The following ABAT variants were observed in gnomAD, a reference collection of about 807,000 sequenced individuals.
ABAT encodes 4-aminobutyrate aminotransferase, also known as 4-aminobutyrate aminotransferase, mitochondrial.
A neutral mutation model predicts 64.6 loss-of-function variants in ABAT; 45 were observed. The observed-to-expected ratio is 0.70, with a 90% CI of 0.55 to 0.89. ABAT has a LOEUF of 0.89. Among genes scored for constraint, ABAT ranks in the 40% least tolerant of loss-of-function variants. The probability of loss-of-function intolerance (pLI) is 0.00; values close to 1 mark genes in which losing one functional copy is unlikely to be tolerated. For missense variants in ABAT, 633 were observed against 658.4 expected (o/e 0.96, Z 0.42); for synonymous variants, 297 against 250.5 (o/e 1.19, Z -1.75).
At chr16:8,755,415 G>C (rs1414830086) in intron 5 of ABAT, among the ~76,000 whole-genome samples, 4 of 152,224 alleles carry the variant, frequency 2.6e-5, no homozygotes, top group African/African-American at 9.6e-5. Context: ...CAAGACACAT[G>C]AAAGTGAGGA....
chr16:8,748,988 T>C (rs897390751), intron 4 of ABAT, among the ~76,000 whole-genome samples: 3 of 152,200 alleles, frequency 2.0e-5, no homozygotes, highest in African/African-American at 7.2e-5. Flanking sequence ...ATTGGATTGT[T>C]TCATCCATTC....
At chr16:8,694,380 T>TTTTG (rs367876531) in intron 1 of ABAT, among the ~76,000 whole-genome samples, 13 of 151,122 alleles carry the variant, frequency 8.6e-5, no homozygotes, top group South Asian at 2.1e-4. Context: ...CTTGCACGTT[T>TTTTG]TTTGTTTGTT....
At chr16:8,775,543 C>G (rs554907328) in intron 13 of ABAT, among the ~76,000 whole-genome samples, 30 of 135,992 alleles carry the variant, frequency 2.2e-4, no homozygotes, top group African/African-American at 8.3e-4. Flanking sequence ...ACACTGTGTA[C>G]TGCCATGTGT....
chr16:8,757,428 G>A (rs1367145423), intron 5 of ABAT: 9 of 367,500 alleles, frequency 2.4e-5, no homozygotes, highest in Admixed American at 1.9e-4. Context: ...TTGGCCTCCC[G>A]AAGTGCTGGG....
In ABAT at chr16:8,781,867, C is replaced by G. The variant is rs1362329969; in HGVS notation, c.*437C>G. On this transcript the variant is annotated 3_prime_UTR_variant, in exon 16 of 16. Coordinates refer to ENST00000268251, the MANE Select transcript of ABAT (RefSeq NM_020686.6). This position sits in a 1 kb window ranked among gnomAD's most constrained non-coding sequence, Gnocchi z 4.5. ...ATCACGGATGTTGGCTCCCCCTCGC[C>G]CTATGCAAGCAAACACACTCTCACC... 3.0e-6 allele frequency: 1 copy of G among 335,798 alleles called. No individual in the cohort carries two copies. The highest frequency in any genetic ancestry group is 2.1e-5 in the African/African-American group (1 of 46,540). 20.8% of individuals were successfully genotyped at this position (335,798 alleles called of 1,614,324 possible).
chr16:8,723,472 G>A (rs1488228644), intron 1 of ABAT, among the ~76,000 whole-genome samples: 4 of 152,156 alleles, frequency 2.6e-5, no homozygotes, highest in Non-Finnish European at 5.9e-5. Context: ...CAAGCCTGCA[G>A]GGAAAGTCTG....
chr16:8,752,574 T>C (rs1362248854), intron 5 of ABAT, among the ~76,000 whole-genome samples: 1 of 152,116 alleles, frequency 6.6e-6, no homozygotes, highest in Admixed American at 6.6e-5. Flanking sequence ...ATCTGGGCAT[T>C]ATAGTGAGAA....
At chr16:8,756,026 G>A (rs956214538) in intron 5 of ABAT, among the ~76,000 whole-genome samples, 6 of 151,474 alleles carry the variant, frequency 4.0e-5, no homozygotes, top group Non-Finnish European at 1.5e-5. Flanking sequence ...TCCAGCCTGG[G>A]CAACAGAGCG....
chr16:8,694,956 C>T (rs2057669044), intron 1 of ABAT, among the ~76,000 whole-genome samples: 1 of 152,236 alleles, frequency 6.6e-6, no homozygotes, highest in African/African-American at 2.4e-5. Flanking sequence ...CCTTCCCCGA[C>T]TTCCTCCCCA....
chr16:8,783,980 G>A lies in ABAT; in HGVS notation c.*2550G>A, dbSNP rs930907721. 31 of 152,174 alleles carry A rather than the reference G, an allele frequency of 2.0e-4. No individual in the cohort carries two copies. Among genetic ancestry groups the A allele is most frequent in the Admixed American group, 2.0e-3 (31 of 15,280 alleles). 9.4% of individuals were successfully genotyped at this position (152,174 alleles called of 1,614,324 possible). On this transcript the variant is annotated 3_prime_UTR_variant, in exon 16 of 16. Coordinates refer to ENST00000268251, the MANE Select transcript of ABAT (RefSeq NM_020686.6). The stretch of plus-strand genomic sequence containing the variant: ...ATGAGTTCCTGAGACATGCTCTTTT[G>A]GGGGCTGGGGCTTTAGCTAGAAGAA...
In ABAT at chr16:8,714,265, T is replaced by G. The variant is rs531990723; in HGVS notation, c.-41-21434T>G. ...GGTCACCTTGAAAAGGCATTTTTGT[T>G]CAAGCCGCTAAATAAATCCTTTCCC... On this transcript the variant is annotated intron_variant, in intron 1 of 15. Coordinates refer to ENST00000268251, the MANE Select transcript of ABAT (RefSeq NM_020686.6). Among the ~76,000 whole-genome samples, 2 of 152,304 alleles carry G rather than the reference T, an allele frequency of 1.3e-5. 1 individual carries two copies. Among genetic ancestry groups the G allele is most frequent in the African/African-American group, 4.8e-5 (2 of 41,566 alleles).
chr16:8,777,600 G>T (rs7196462), intron 14 of ABAT, among the ~76,000 whole-genome samples: 215 of 151,738 alleles, frequency 1.4e-3, no homozygotes, highest in Middle Eastern at 3.4e-3. Flanking sequence ...GAGTGTGGCA[G>T]GCAGGCCTAA....
chr16:8,694,959 C>A (rs1339985365), intron 1 of ABAT, among the ~76,000 whole-genome samples: 4 of 152,248 alleles, frequency 2.6e-5, no homozygotes, highest in East Asian at 1.9e-4. Flanking sequence ...TCCCCGACTT[C>A]CTCCCCATTC....
intron 1 of ABAT, among the ~76,000 whole-genome samples, chr16:8,701,647 C>T (rs562983590): frequency 6.6e-6 from 1 of 152,272 alleles, no homozygotes; most frequent in South Asian, 2.1e-4. Context: ...AAACATGGAG[C>T]TCTGTAATGA....
chr16:8,770,793 G>A (rs539622908), intron 11 of ABAT, among the ~76,000 whole-genome samples: 32 of 152,226 alleles, frequency 2.1e-4, no homozygotes, highest in African/African-American at 7.5e-4. Context: ...CATTTTCAGA[G>A]CATTTTATTG....
At position 8,736,031 on chromosome 16, in the gene ABAT, T is replaced by A. The variant is rs115420659; in HGVS notation, c.70+222T>A. ...GGTTTAATGGTCTCACAGTTTCATA[T>A]GGCTGGGGAGGCCTCACAATCATGG... On this transcript the variant is annotated intron_variant, in intron 2 of 15. Transcript: ENST00000268251. 1.2e-3 allele frequency: 674 copies of A among 541,300 alleles called. 8 individuals carry two copies. The highest frequency in any genetic ancestry group is 0.012 in the African/African-American group (624 of 52,690). 33.5% of individuals were successfully genotyped at this position (541,300 alleles called of 1,614,324 possible).
At chr16:8,708,404 AC>A (rs1470930475) in intron 1 of ABAT, among the ~76,000 whole-genome samples, 1 of 151,876 alleles carries the variant, frequency 6.6e-6, no homozygotes, top group Non-Finnish European at 1.5e-5. Context: ...ACACCACCAC[AC>A]CTAGCTAATT....
rs35745596 is a variant in ABAT at position 8,764,843 on chromosome 16, GCACA to G, written c.540+32_540+35del. 1,188 of 1,514,266 alleles carry G rather than the reference GCACA, an allele frequency of 7.8e-4. No individual in the cohort carries two copies. Among genetic ancestry groups the G allele is most frequent in the Non-Finnish European group, 8.8e-4 (972 of 1,099,534 alleles). The allele number at this position is 1,514,266 out of a possible 1,614,324, so 93.8% of individuals were successfully genotyped here. On this transcript the variant is annotated intron_variant, in intron 8 of 15. Coordinates refer to ENST00000268251, the MANE Select transcript of ABAT (RefSeq NM_020686.6). The surrounding 1 kb of genome is among the most constrained non-coding windows in gnomAD (Gnocchi z 4.2). ...CATGTGGTACCGGGTGAGGTTTGGG[GCACA>G]CACACACACACACACACAGGCTCCC...
chr16:8,781,123 G>C lies in ABAT; in HGVS notation c.1382-186G>C, dbSNP rs565999758. On this transcript the variant is annotated intron_variant, in intron 15 of 15. Coordinates refer to ENST00000268251, the MANE Select transcript of ABAT (RefSeq NM_020686.6). The surrounding 1 kb of genome is among the most constrained non-coding windows in gnomAD (Gnocchi z 4.5). Reference sequence around the variant, plus strand: ...GATGGAGGAGATGAATGAGGGGAGAGAGAAAGGAAATGAAGACTGGATGGG... The same window carrying C: ...GATGGAGGAGATGAATGAGGGGAGACAGAAAGGAAATGAAGACTGGATGGG... 1 of 845,332 alleles carries C rather than the reference G, an allele frequency of 1.2e-6. No homozygotes were observed. Among genetic ancestry groups the C allele is most frequent in the South Asian group, 1.3e-5 (1 of 75,434 alleles). The allele number at this position is 845,332 out of a possible 1,614,324, so 52.4% of individuals were successfully genotyped here.
Sources: gnomAD v4.1 joint callset for allele counts (sites outside exome capture counted in the v4.1 genomes callset) on GRCh38, gnomAD v4.1.1 for gene constraint, Gnocchi (gnomAD v3.1) non-coding constraint, MANE v1.5 for transcripts, NCBI Gene and HGNC (gene_info 2026-07-23, HGNC 2026-07-21) for gene names.